Variants in POM121C observed in about 807,000 individuals in gnomAD.
The protein encoded by POM121C is POM121 transmembrane nucleoporin C, also known as nuclear envelope pore membrane protein POM 121C.
POM121C carries 20 observed loss-of-function variants against 66.4 expected under a neutral mutation model. The observed-to-expected ratio is 0.30, with a 90% CI of 0.21 to 0.44. The LOEUF is 0.44. Among genes scored for constraint, POM121C ranks in the 20% least tolerant of loss-of-function variants. The pLI, the probability that POM121C is intolerant of heterozygous loss-of-function variation, is 1.00. For synonymous variants in POM121C, 286 were observed against 528.0 expected, an observed-to-expected ratio of 0.54 and a Z score of 6.28; for missense variants, 580 against 1,225.7, an observed-to-expected ratio of 0.47 and a Z score of 7.87.
intron 3 of POM121C, among the ~76,000 whole-genome samples, chr7:75,465,199 T>C (rs587708912): frequency 1.3e-5 from 2 of 152,092 alleles, no homozygotes; most frequent in East Asian, 4.0e-4. Context: ...TTCACCATGT[T>C]GGCCAGACTG....
rs1354772645 is a variant in POM121C, at chr7:75,418,320, A to C, written c.*476T>G. 7.2e-6 allele frequency: 7 copies of C among 970,842 alleles called. No homozygotes were observed. The African/African-American group carries it at 1.2e-4, about 17-fold the overall frequency. The allele number at this position is 970,842 out of a possible 1,614,324, so 60.1% of individuals were successfully genotyped here. The stretch of plus-strand genomic sequence containing the variant: ...GGAAACAGAGTCCCCAGAAGGGACC[A>C]GAGGAAGAGAACCACTTCTCACAGC... On this transcript the variant is annotated 3_prime_UTR_variant, in exon 15 of 15. Transcript: ENST00000615331.
chr7:75,441,051 T>C lies in POM121C; in HGVS notation c.130A>G (p.Lys44Glu). 1 of 1,613,968 alleles carries C rather than the reference T, an allele frequency of 6.2e-7. No individual in the cohort carries two copies. The highest frequency in any genetic ancestry group is 8.5e-7 in the Non-Finnish European group (1 of 1,179,860). ...PSSNAPDPCA[K>E]ETVLSALKEK... is the part of the protein sequence containing the mutation. The stretch of plus-strand genomic sequence containing the variant: ...TTGAGGGCACTCAGTACAGTCTCCT[T>C]TGCACATGGGTCTGGGGCATTACTT... Residue 44 changes from lysine to glutamate, a missense_variant, in exon 5 of 15, where the codon AAG becomes GAG. Lys to Glu is a moderately conservative substitution (Grantham distance 56). Coordinates refer to ENST00000615331, the MANE Select transcript of POM121C (RefSeq NM_001099415.3).
At chr7:75,438,835 T>G (rs782439816) in intron 6 of POM121C, among the ~76,000 whole-genome samples, 19 of 152,248 alleles carry the variant, frequency 1.2e-4, no homozygotes, top group Admixed American at 1.3e-4. Context: ...ATTAAACATT[T>G]AAGTTTCATA....
chr7:75,484,706 G>C (rs1468212595), intron 1 of POM121C, among the ~76,000 whole-genome samples: 1 of 149,664 alleles, frequency 6.7e-6, no homozygotes, highest in South Asian at 2.1e-4. Context: ...GGAAGCATGC[G>C]CCTGTAACTC....
intron 1 of POM121C, among the ~76,000 whole-genome samples, chr7:75,478,425 G>A (rs1434461892): frequency 1.3e-5 from 2 of 151,478 alleles, no homozygotes; most frequent in African/African-American, 4.9e-5. Flanking sequence ...AAGAGTTGTG[G>A]GATGGGAAAA....
intron 3 of POM121C, among the ~76,000 whole-genome samples, chr7:75,454,576 TC>T (rs1400118403): frequency 1.2e-4 from 18 of 152,158 alleles, no homozygotes; most frequent in Non-Finnish European, 2.1e-4. Flanking sequence ...TGGCAGCCAA[TC>T]CCTGCTCCCA....
At chr7:75,442,351 G>A in intron 3 of POM121C, 3 of 1,416,592 alleles carry the variant, frequency 2.1e-6, no homozygotes, top group Non-Finnish European at 2.7e-6. Context: ...AACTGCCCAT[G>A]AGGAGCAGTT....
At chr7:75,463,944 G>T (rs1368197141) in intron 3 of POM121C, among the ~76,000 whole-genome samples, 1 of 150,344 alleles carries the variant, frequency 6.7e-6, no homozygotes, top group Non-Finnish European at 1.5e-5. Context: ...TGCCCACCTC[G>T]GCCTCCCAAA....
At chr7:75,482,784 G>C (rs1554480321) in intron 1 of POM121C, among the ~76,000 whole-genome samples, 1 of 152,060 alleles carries the variant, frequency 6.6e-6, no homozygotes, top group Non-Finnish European at 1.5e-5. Flanking sequence ...CAAGAAAAGA[G>C]AGACTCCATG....
chr7:75,473,484 T>C (rs587718530), intron 3 of POM121C, among the ~76,000 whole-genome samples: 49 of 151,952 alleles, frequency 3.2e-4, no homozygotes, highest in Admixed American at 1.4e-3. Context: ...CAAATGAGCA[T>C]TGGGGAAAGA....
At chr7:75,453,530 C>T (rs184678609) in intron 3 of POM121C, among the ~76,000 whole-genome samples, 88 of 149,688 alleles carry the variant, frequency 5.9e-4, no homozygotes, top group African/African-American at 1.7e-3. Flanking sequence ...TGTGGTGAGC[C>T]GAGATCATGC....
chr7:75,448,310 G>C (rs1475721454), intron 3 of POM121C, among the ~76,000 whole-genome samples: 1 of 151,900 alleles, frequency 6.6e-6, no homozygotes, highest in Non-Finnish European at 1.5e-5. Context: ...ATGTCCTTCA[G>C]GCAGAAGAAA....
At chr7:75,467,958 C>T (rs1454844724) in intron 3 of POM121C, among the ~76,000 whole-genome samples, 3 of 151,666 alleles carry the variant, frequency 2.0e-5, no homozygotes, top group Admixed American at 2.0e-4. Context: ...GATGAAACCC[C>T]ATCACTACTA....
chr7:75,456,320 T>TTA (rs1187023447), intron 3 of POM121C, among the ~76,000 whole-genome samples: 3 of 152,282 alleles, frequency 2.0e-5, no homozygotes, highest in African/African-American at 4.8e-5. Flanking sequence ...GGGTTATCTT[T>TTA]TACTTGAGGC....
intron 5 of POM121C, among the ~76,000 whole-genome samples, chr7:75,439,564 T>C (rs184241211): frequency 6.6e-6 from 1 of 152,324 alleles, no homozygotes; most frequent in African/African-American, 2.4e-5. Flanking sequence ...TTCTTAATTT[T>C]TTGTACAGGC....
intron 3 of POM121C, among the ~76,000 whole-genome samples, chr7:75,450,915 C>T (rs1219473025): frequency 1.3e-5 from 2 of 152,088 alleles, no homozygotes; most frequent in Non-Finnish European, 2.9e-5. Flanking sequence ...TGGAAATCAG[C>T]CCTTAGGAAG....
Position 75,441,628 on chromosome 7 carries a change from C to A in POM121C, c.-132G>T, listed in dbSNP as rs1422793712. 1 of 1,561,072 alleles carries A rather than the reference C, an allele frequency of 6.4e-7. No homozygotes were observed. On this transcript the variant is annotated 5_prime_UTR_variant, in exon 4 of 15. Transcript: ENST00000615331. ...CTTCGAGGTGTTATTACAAACCGATCTGGTAAAGTCCCACGATCCCTGCAG... is the reference window on the plus strand; with the variant it reads ...CTTCGAGGTGTTATTACAAACCGATATGGTAAAGTCCCACGATCCCTGCAG...
At chr7:75,428,702 G>A (rs1253986059) in intron 7 of POM121C, among the ~76,000 whole-genome samples, 1 of 152,130 alleles carries the variant, frequency 6.6e-6, no homozygotes, top group Non-Finnish European at 1.5e-5. Flanking sequence ...CAAAGGGGCC[G>A]GATGAGGTGG....
chr7:75,470,468 CT>C (rs1207770141), intron 3 of POM121C, among the ~76,000 whole-genome samples: 10 of 151,504 alleles, frequency 6.6e-5, no homozygotes, highest in Admixed American at 5.9e-4. Flanking sequence ...TTCTTTCTTT[CT>C]TTTTTTACAG....
Sources: allele counts gnomAD v4.1 joint callset (sites outside exome capture counted in the v4.1 genomes callset), GRCh38; gene constraint gnomAD v4.1.1; transcripts MANE v1.5; gene names NCBI Gene and HGNC (gene_info 2026-07-23, HGNC 2026-07-21).